CMSS1: variants seen among roughly 807,000 people sequenced by gnomAD.
CMSS1 encodes the protein cms1 ribosomal small subunit homolog, also known as protein CMSS1.
CMSS1 carries 33 observed loss-of-function variants against 43.5 expected under a neutral mutation model. The observed-to-expected ratio is 0.76, with a 90% CI of 0.57 to 1.01. CMSS1 has a LOEUF of 1.01. Ranked by LOEUF, CMSS1 falls within the 50% of genes least tolerant of loss-of-function variation. The pLI is 0.00. For missense variants in CMSS1, 313 were observed against 326.4 expected (o/e 0.96, Z 0.32); for synonymous variants, 115 against 117.2 (o/e 0.98, Z 0.12).
chr3:100,153,914 G>A (rs542052795), intron 2 of CMSS1, among the ~76,000 whole-genome samples: 7 of 150,732 alleles, frequency 4.6e-5, no homozygotes, highest in African/African-American at 1.5e-4. Flanking sequence ...GCAATGACGC[G>A]ATCTCAGCTC....
At chr3:100,146,588 G>C (rs1351815166) in intron 1 of CMSS1, among the ~76,000 whole-genome samples, 4 of 152,226 alleles carry the variant, frequency 2.6e-5, no homozygotes, top group African/African-American at 9.6e-5. Context: ...GTGAAGCATA[G>C]TGTTAAACAT....
At chr3:100,057,874 C>T (rs1303958828) in intron 1 of CMSS1, among the ~76,000 whole-genome samples, 2 of 152,184 alleles carry the variant, frequency 1.3e-5, no homozygotes. Context: ...CAATGCCGGT[C>T]CAACTTCTAT....
At chr3:100,059,133 G>C (rs1483437566) in intron 1 of CMSS1, among the ~76,000 whole-genome samples, 1 of 152,210 alleles carries the variant, frequency 6.6e-6, no homozygotes, top group Non-Finnish European at 1.5e-5. Flanking sequence ...AGAAAGAACA[G>C]ATTGACTAAC....
intron 8 of CMSS1, among the ~76,000 whole-genome samples, chr3:100,172,616 A>C (rs1177815711): frequency 6.6e-6 from 1 of 152,180 alleles, no homozygotes. Context: ...ACGTGTGCCC[A>C]CCTAAACAGA....
intron 6 of CMSS1, 148 bp downstream of exon 6, chr3:100,167,988 A>G: frequency 1.9e-6 from 1 of 534,092 alleles, no homozygotes; most frequent in Non-Finnish European, 3.3e-6. Flanking sequence ...GGGGAGACAG[A>G]TAATAAACAA....
intron 1 of CMSS1, among the ~76,000 whole-genome samples, chr3:100,093,228 A>C (rs534285028): frequency 6.6e-6 from 1 of 152,128 alleles, no homozygotes; most frequent in Non-Finnish European, 1.5e-5. Flanking sequence ...TGAGCAGCTT[A>C]TGTCATTAGA....
chr3:99,955,314 G>A (rs1174527834), intron 1 of CMSS1, among the ~76,000 whole-genome samples: 1 of 152,204 alleles, frequency 6.6e-6, no homozygotes, highest in African/African-American at 2.4e-5. Flanking sequence ...AAATGACAAG[G>A]AGTATAAACA....
chr3:100,027,158 A>G (rs1453232362), intron 1 of CMSS1, among the ~76,000 whole-genome samples: 1 of 151,548 alleles, frequency 6.6e-6, no homozygotes, highest in African/African-American at 2.4e-5. Flanking sequence ...CTTCCTCTCC[A>G]CCTTCTCTGC....
At chr3:99,956,533 G>A (rs1423643987) in intron 1 of CMSS1, among the ~76,000 whole-genome samples, 2 of 152,158 alleles carry the variant, frequency 1.3e-5, no homozygotes, top group Admixed American at 6.5e-5. Context: ...TGAGATTATA[G>A]ATGGGGTTTC....
chr3:99,958,834 G>A (rs1374825868), intron 1 of CMSS1, among the ~76,000 whole-genome samples: 1 of 152,186 alleles, frequency 6.6e-6, no homozygotes, highest in African/African-American at 2.4e-5. Context: ...ATGAACTGGA[G>A]ATAGCTGTAC....
intron 2 of CMSS1, among the ~76,000 whole-genome samples, chr3:100,158,280 T>A (rs867896765): frequency 5.6e-4 from 86 of 152,314 alleles, no homozygotes; most frequent in Non-Finnish European, 4.3e-4. Flanking sequence ...AACATTTTTT[T>A]AGGGGAGTGT....
intron 1 of CMSS1, among the ~76,000 whole-genome samples, chr3:99,861,239 C>G (rs1290383216): frequency 6.6e-6 from 1 of 152,184 alleles, no homozygotes; most frequent in African/African-American, 2.4e-5. Flanking sequence ...GACTTTAGGT[C>G]TTTGTCAGAC....
chr3:99,869,671 A>G lies in CMSS1; in HGVS notation c.64+51628A>G, dbSNP rs1031658036. On this transcript the variant is annotated intron_variant, in intron 1 of 9. Coordinates refer to ENST00000421999, the MANE Select transcript of CMSS1 (RefSeq NM_032359.4). ...CCAGGCAACTCCTTCCTTTTCTTCA[A>G]ATTTAACAGGCAGACACTTAAGTCT... Among the ~76,000 whole-genome samples the G allele has an allele frequency of 2.6e-5, 4 of 152,288 alleles. No homozygotes were observed. The East Asian group carries it at 7.7e-4, about 29-fold the overall frequency.
In CMSS1 at chr3:100,084,272, C is replaced by T. The variant is rs116834961; in HGVS notation, c.65-62701C>T. ...GCTCATTTTAAAAGTCCCTTTTAGT[C>T]TCCTACCTGCTATTTTTCACTAGCC... is the stretch of plus-strand genomic sequence containing the variant. On this transcript the variant is annotated intron_variant, in intron 1 of 9. Transcript: ENST00000421999. 3.8e-3 allele frequency among the ~76,000 whole-genome samples: 576 copies of T among 152,220 alleles called. 8 individuals carry two copies. The highest frequency in any genetic ancestry group is 0.013 in the African/African-American group (543 of 41,530).
chr3:99,873,753 G>A (rs1450740069), intron 1 of CMSS1, among the ~76,000 whole-genome samples: 1 of 152,118 alleles, frequency 6.6e-6, no homozygotes, highest in African/African-American at 2.4e-5. Flanking sequence ...CAAGAGAACC[G>A]GAAAATTAAG....
intron 1 of CMSS1, among the ~76,000 whole-genome samples, chr3:100,093,458 A>T: frequency 6.6e-6 from 1 of 152,282 alleles, no homozygotes; most frequent in African/African-American, 2.4e-5. Context: ...TTTTACAAAA[A>T]ATATATACTT....
chr3:99,990,250 T>TAGAC (rs571681321), intron 1 of CMSS1, among the ~76,000 whole-genome samples: 49 of 152,256 alleles, frequency 3.2e-4, no homozygotes, highest in African/African-American at 1.1e-3. Context: ...GAGGCAAAGA[T>TAGAC]AGACAGAAAG....
chr3:100,146,878 G>T (rs1216638409), intron 1 of CMSS1, 95 bp from the exon 2 acceptor site: 3 of 1,439,366 alleles, frequency 2.1e-6, no homozygotes, highest in Admixed American at 2.4e-5. Context: ...GAATTAAAAA[G>T]TGAAGAGATA....
chr3:100,086,562 A>C (rs137881038), intron 1 of CMSS1, among the ~76,000 whole-genome samples: 17 of 152,288 alleles, frequency 1.1e-4, no homozygotes, highest in Middle Eastern at 3.4e-3. Flanking sequence ...TTTTAAGAAA[A>C]ATTAAACTGG....
Sources: gnomAD v4.1 joint callset for allele counts (sites outside exome capture counted in the v4.1 genomes callset) on GRCh38, gnomAD v4.1.1 for gene constraint, MANE v1.5 for transcripts, NCBI Gene and HGNC (gene_info 2026-07-23, HGNC 2026-07-21) for gene names.